The following CAPN2 variants were observed in gnomAD, a reference collection of about 807,000 sequenced individuals.
CAPN2 encodes calpain-2 catalytic subunit.
Under a neutral mutation model 102.3 loss-of-function variants are expected in CAPN2, and 92 were observed. The ratio of observed to expected loss-of-function variants is 0.90; its 90% CI spans 0.76 to 1.07. The LOEUF (loss-of-function observed/expected upper bound fraction) is 1.07. CAPN2 is among the 50% of genes least tolerant of loss of function. The pLI is 0.00. For synonymous variants in CAPN2, 340 were observed against 355.4 expected (o/e 0.96, Z 0.49); for missense variants, 800 against 909.4 (o/e 0.88, Z 1.55).
At chr1:223,750,794 C>T in intron 6 of CAPN2, 96 bp from the exon 7 acceptor site, 2 of 1,141,420 alleles carry the variant, frequency 1.8e-6, no homozygotes, top group Non-Finnish European at 2.6e-6. Context: ...CAGCCCCATA[C>T]CTCCTGGCTC....
chr1:223,723,341 A>G (rs1424550509), intron 2 of CAPN2, among the ~76,000 whole-genome samples: 1 of 152,168 alleles, frequency 6.6e-6, no homozygotes, highest in Admixed American at 6.5e-5. Context: ...AAAGTAAATA[A>G]ATAAGTACCC....
chr1:223,709,854 C>T (rs1439274907), upstream of CAPN2, among the ~76,000 whole-genome samples: 3 of 152,174 alleles, frequency 2.0e-5, no homozygotes, highest in Non-Finnish European at 4.4e-5. Context: ...AATGCATTTG[C>T]ATATCTATAG....
At position 223,755,906 on chromosome 1, in the gene CAPN2, A is replaced by G. The variant is rs114670668; in HGVS notation, c.1305+257A>G. Among the ~76,000 whole-genome samples the G allele has an allele frequency of 3.3e-3, 504 of 152,276 alleles. 3 individuals carry two copies. Among genetic ancestry groups the G allele is most frequent in the African/African-American group, 0.01 (421 of 41,552 alleles). ...AGCCTGCAGGGAGTTCCACTCTCAA[A>G]TGGCCTCCACATCCCTTCTCACATC... is the stretch of plus-strand genomic sequence containing the variant. On this transcript the variant is annotated intron_variant, in intron 10 of 20. Transcript: ENST00000295006. The surrounding 1 kb of genome is among the most constrained non-coding windows in gnomAD (Gnocchi z 4.1).
intron 1 of CAPN2, among the ~76,000 whole-genome samples, chr1:223,704,956 C>T (rs1659570118): frequency 1.3e-5 from 2 of 152,100 alleles, no homozygotes; most frequent in South Asian, 2.1e-4. Context: ...GCCCCCAGCC[C>T]CCTCCTGCCG....
chr1:223,742,848 A>T (rs12563637), intron 2 of CAPN2, among the ~76,000 whole-genome samples: 9,477 of 152,242 alleles, frequency 0.062, 344 homozygotes, highest in Non-Finnish European at 0.086. Flanking sequence ...TAAACCTGTC[A>T]ATTGGCGAAA....
chr1:223,725,217 A>G lies in CAPN2; in HGVS notation c.307+7386A>G, dbSNP rs1166753393. On this transcript the variant is annotated intron_variant, in intron 2 of 20. Transcript: ENST00000295006. The surrounding 1 kb of genome is among the most constrained non-coding windows in gnomAD (Gnocchi z 4.1). ...GAAAACCCATCTCTACAAAACTACA[A>G]TATGAAATACAAACAATTAGCCGGG... Among the ~76,000 whole-genome samples, 2 of 152,076 alleles carry G rather than the reference A, an allele frequency of 1.3e-5. No individual in the cohort carries two copies. Among genetic ancestry groups the G allele is most frequent in the South Asian group, 2.1e-4 (1 of 4,822 alleles).
chr1:223,736,162 C>T (rs184415057), intron 2 of CAPN2, among the ~76,000 whole-genome samples: 112 of 152,316 alleles, frequency 7.4e-4, no homozygotes, highest in African/African-American at 2.6e-3. Flanking sequence ...GGGACCCCGC[C>T]TCTGGGATTG....
Position 223,755,432 on chromosome 1 carries a change from A to C in CAPN2, c.1136-48A>C. The C allele has an allele frequency of 6.2e-7, 1 of 1,600,980 alleles. No homozygotes were observed. On this transcript the variant is annotated intron_variant, in intron 9 of 20. Coordinates refer to ENST00000295006, the MANE Select transcript of CAPN2 (RefSeq NM_001748.5). This position sits in a 1 kb window ranked among gnomAD's most constrained non-coding sequence, Gnocchi z 4.1. Reference sequence around the variant, plus strand: ...GAGACCAGGGCCACCCCCCACCCCCATGCATTCCTGCTCAGGGCTGGGCTC... The same window carrying C: ...GAGACCAGGGCCACCCCCCACCCCCCTGCATTCCTGCTCAGGGCTGGGCTC...
At position 223,775,477 on chromosome 1, in the gene CAPN2, T is replaced by G. The variant is rs1447195218; in HGVS notation, c.*620T>G. 1.3e-5 allele frequency: 2 copies of G among 152,394 alleles called. No individual in the cohort carries two copies. Among genetic ancestry groups the G allele is most frequent in the Non-Finnish European group, 2.9e-5 (2 of 68,180 alleles). 9.4% of individuals were successfully genotyped at this position (152,394 alleles called of 1,614,324 possible). A position where few individuals can be genotyped will look rare whatever the true frequency, so the allele number is the denominator to read the frequency against. On this transcript the variant is annotated 3_prime_UTR_variant, in exon 21 of 21. Transcript: ENST00000295006. ...ATTGATTGGTAATAGTAAATCGTTC[T>G]CCTTACAATCAAGTTCTTGACCCTA... is the stretch of plus-strand genomic sequence containing the variant.
Position 223,759,149 on chromosome 1 carries a change from C to A in CAPN2, c.1318-121C>A. 1.1e-6 allele frequency: 1 copy of A among 923,788 alleles called. No homozygotes were observed. The highest frequency in any genetic ancestry group is 1.7e-6 in the Non-Finnish European group (1 of 574,706). 57.2% of individuals were successfully genotyped at this position (923,788 alleles called of 1,614,324 possible). A position where few individuals can be genotyped will look rare whatever the true frequency, so the allele number is the denominator to read the frequency against. ...TGACGCCTGGCCTCGCCTCCTTATA[C>A]ACCAGGACAGCAGGACTGAGCCACC... is the stretch of plus-strand genomic sequence containing the variant. On this transcript the variant is annotated intron_variant, in intron 11 of 20. Transcript: ENST00000295006. The surrounding 1 kb of genome is among the most constrained non-coding windows in gnomAD (Gnocchi z 4.6).
chr1:223,713,677 C>T (rs1200797086), intron 1 of CAPN2, among the ~76,000 whole-genome samples: 1 of 152,186 alleles, frequency 6.6e-6, no homozygotes, highest in East Asian at 1.9e-4. Flanking sequence ...CTAGGAAAGC[C>T]TGCCCTGAAG....
intron 2 of CAPN2, among the ~76,000 whole-genome samples, chr1:223,722,609 A>G (rs183458170): frequency 6.6e-6 from 1 of 152,272 alleles, no homozygotes; most frequent in Admixed American, 6.5e-5. Flanking sequence ...TAAATTATAA[A>G]TTTAAAAATG....
Position 223,726,492 on chromosome 1 carries a change from G to A in CAPN2, c.307+8661G>A, listed in dbSNP as rs1660194331. Among the ~76,000 whole-genome samples, 1 of 152,180 alleles carries A rather than the reference G, an allele frequency of 6.6e-6. No individual in the cohort carries two copies. Among genetic ancestry groups the A allele is most frequent in the Non-Finnish European group, 1.5e-5 (1 of 68,040 alleles). The stretch of plus-strand genomic sequence containing the variant: ...ACATGCAACAGGTTATGTCCTTCTG[G>A]TCCAGGGCACGGCTGAGACAGGCAA... On this transcript the variant is annotated intron_variant, in intron 2 of 20. Transcript: ENST00000295006. This position sits in a 1 kb window ranked among gnomAD's most constrained non-coding sequence, Gnocchi z 4.4.
intron 11 of CAPN2, chr1:223,757,587 G>T: frequency 3.4e-6 from 2 of 580,416 alleles, no homozygotes; most frequent in Non-Finnish European, 6.1e-6. Context: ...GAAAGTCCTT[G>T]TGGGACCCGC....
In CAPN2 at chr1:223,761,451, C is replaced by A. The variant is rs553623549; in HGVS notation, c.1530-130C>A. The A allele has an allele frequency of 8.4e-4, 502 of 596,504 alleles. 4 individuals carry two copies. In the African/African-American group the frequency reaches 8.4e-3, roughly 10 times the overall value. The allele number at this position is 596,504 out of a possible 1,614,324, so 37.0% of individuals were successfully genotyped here. A position where few individuals can be genotyped will look rare whatever the true frequency, so the allele number is the denominator to read the frequency against. ...AAACTTGGAATACAAAGACCTCCCC[C>A]CACCGCAGCCCTGCCCCACCCCACC... On this transcript the variant is annotated intron_variant, in intron 12 of 20. Coordinates refer to ENST00000295006, the MANE Select transcript of CAPN2 (RefSeq NM_001748.5).
Position 223,762,262 on chromosome 1 carries a change from C to G in CAPN2, c.1632+11C>G. ...CAGTTGGCAGGAGAGGTAAATGTTC[C>G]CAAAAACGATGTTATGCACTCTGGT... is the stretch of plus-strand genomic sequence containing the variant. On this transcript the variant is annotated intron_variant, in intron 14 of 20. Transcript: ENST00000295006. 1.2e-6 allele frequency: 2 copies of G among 1,606,222 alleles called. No individual in the cohort carries two copies. Among genetic ancestry groups the G allele is most frequent in the African/African-American group, 2.7e-5 (2 of 74,900 alleles).
rs1039939833 is a variant in CAPN2, at chr1:223,757,518, C to T, written c.1317+138C>T. Reference sequence around the variant, plus strand: ...GATGAGTCCTGGCCACCCCTGGGGCCCTGCTGAAGTTGCCCAGGCTCTAGA... The same window carrying T: ...GATGAGTCCTGGCCACCCCTGGGGCTCTGCTGAAGTTGCCCAGGCTCTAGA... On this transcript the variant is annotated intron_variant, in intron 11 of 20. Coordinates refer to ENST00000295006, the MANE Select transcript of CAPN2 (RefSeq NM_001748.5). The T allele has an allele frequency of 4.4e-6, 4 of 914,462 alleles. No individual in the cohort carries two copies. The African/African-American group carries it at 6.6e-5, about 15-fold the overall frequency. The allele number at this position is 914,462 out of a possible 1,614,324, so 56.6% of individuals were successfully genotyped here. A position where few individuals can be genotyped will look rare whatever the true frequency, so the allele number is the denominator to read the frequency against.
At chr1:223,732,476 C>T (rs1660361226) in intron 2 of CAPN2, among the ~76,000 whole-genome samples, 1 of 152,152 alleles carries the variant, frequency 6.6e-6, no homozygotes, top group African/African-American at 2.4e-5. Flanking sequence ...GTTGCCATGG[C>T]ATCTGTAAAC....
In CAPN2 at chr1:223,725,382, CA is replaced by C. The variant is rs1356669739; in HGVS notation, c.307+7564del. 1.2e-3 allele frequency among the ~76,000 whole-genome samples: 161 copies of C among 134,126 alleles called. No homozygotes were observed. Among genetic ancestry groups the C allele is most frequent in the Middle Eastern group, 3.6e-3 (1 of 276 alleles). The allele number at this position is 134,126 out of a possible 152,430, so 88.0% of individuals were successfully genotyped here. A position where few individuals can be genotyped will look rare whatever the true frequency, so the allele number is the denominator to read the frequency against. ...TGGGCAATAGAGCGAGACTTCATCT[CA>C]AAAAAAAAAAAATTGTGTCTACCTC... On this transcript the variant is annotated intron_variant, in intron 2 of 20. Coordinates refer to ENST00000295006, the MANE Select transcript of CAPN2 (RefSeq NM_001748.5). The surrounding 1 kb of genome is among the most constrained non-coding windows in gnomAD (Gnocchi z 4.1).
Sources: allele counts gnomAD v4.1 joint callset (sites outside exome capture counted in the v4.1 genomes callset), GRCh38; gene constraint gnomAD v4.1.1; non-coding constraint Gnocchi (gnomAD v3.1); transcripts MANE v1.5; gene names NCBI Gene and HGNC (gene_info 2026-07-23, HGNC 2026-07-21).